Variants in THOC2 observed in about 807,000 individuals in gnomAD.
The protein encoded by THOC2 is THO complex subunit 2, also known as THO complex 2.
A neutral mutation model predicts 128.4 loss-of-function variants in THOC2; 10 were observed. The ratio of observed to expected loss-of-function variants is 0.08; its 90% CI spans 0.05 to 0.13. The LOEUF is 0.13. THOC2 is among the 10% of genes least tolerant of loss of function. The probability of loss-of-function intolerance (pLI) is 1.00; values close to 1 mark genes in which losing one functional copy is unlikely to be tolerated. For synonymous variants in THOC2, 393 were observed against 396.9 expected, an observed-to-expected ratio of 0.99 and a Z score of 0.12; for missense variants, 535 against 1,155.7, an observed-to-expected ratio of 0.46 and a Z score of 7.79.
At chrX:123,653,998 A>G (rs1041352042) in intron 12 of THOC2, among the ~76,000 whole-genome samples, 1 of 111,620 alleles carries the variant, frequency 9.0e-6, no homozygotes, top group African/African-American at 3.3e-5. Context: ...AAGACTTAGA[A>G]CCCACCCAAA....
chrX:123,623,602 A>G (rs1240217087), intron 28 of THOC2, 185 bp downstream of exon 28: 7 of 970,646 alleles, frequency 7.2e-6, no homozygotes, highest in Non-Finnish European at 5.7e-6. Flanking sequence ...ACTATCATCC[A>G]GTATAGACCG....
intron 1 of THOC2, among the ~76,000 whole-genome samples, 197 bp downstream of exon 1, chrX:123,732,755 G>A (rs1408086104): frequency 2.7e-5 from 3 of 111,501 alleles, no homozygotes; most frequent in African/African-American, 9.8e-5. Context: ...TTTCTGGGAG[G>A]CCAGGGAAGG....
intron 12 of THOC2, among the ~76,000 whole-genome samples, chrX:123,653,089 A>G (rs2048425171): frequency 8.9e-6 from 1 of 111,845 alleles, no homozygotes; most frequent in African/African-American, 3.3e-5. Flanking sequence ...AGACCAATGG[A>G]ACAGAACAGA....
At chrX:123,605,619 A>T (rs949088281) in intron 38 of THOC2, among the ~76,000 whole-genome samples, 2 of 111,563 alleles carry the variant, frequency 1.8e-5, no homozygotes, top group African/African-American at 6.5e-5. Flanking sequence ...TGGCAAAAAA[A>T]GTCAATGTTG....
At chrX:123,628,038 G>A (rs2047328019) in intron 22 of THOC2, 70 bp from the exon 23 acceptor site, 2 of 875,540 alleles carry the variant, frequency 2.3e-6, no homozygotes, top group East Asian at 6.3e-5. Context: ...GACTTTCATG[G>A]CATAAAAATC....
At chrX:123,725,635 A>C (rs2051934633) in intron 1 of THOC2, among the ~76,000 whole-genome samples, 1 of 106,881 alleles carries the variant, frequency 9.4e-6, no homozygotes, top group Non-Finnish European at 1.9e-5. Flanking sequence ...AAAAAAAAAA[A>C]AAACCACGAT....
intron 17 of THOC2, 23 bp downstream of exon 17, chrX:123,638,911 T>C: frequency 1.1e-5 from 10 of 913,230 alleles, no homozygotes; most frequent in Non-Finnish European, 1.5e-5. Flanking sequence ...GAAATCTACA[T>C]ATTACTTCAC....
At chrX:123,692,014 G>A (rs1434948167) in intron 7 of THOC2, among the ~76,000 whole-genome samples, 2 of 111,876 alleles carry the variant, frequency 1.8e-5, no homozygotes, top group Non-Finnish European at 3.8e-5. Context: ...GGTCCACAAA[G>A]CCGAAAAATA....
chrX:123,711,407 G>C (rs2051187921), intron 2 of THOC2, among the ~76,000 whole-genome samples: 1 of 110,059 alleles, frequency 9.1e-6, no homozygotes, highest in Non-Finnish European at 1.9e-5. Context: ...TTGGGAGCCT[G>C]AGGCGAAAGG....
chrX:123,700,532 G>C (rs1350039412), intron 4 of THOC2, among the ~76,000 whole-genome samples: 1 of 69,660 alleles, frequency 1.4e-5, no homozygotes, highest in Non-Finnish European at 2.7e-5. Context: ...CGGGGGGGAG[G>C]TGGTGAGGGG....
rs368394995 is a variant in THOC2, at chrX:123,631,814, T to C, written c.2355A>G (p.Ala785=). 1.6e-4 allele frequency: 192 copies of C among 1,204,106 alleles called. No individual in the cohort carries two copies. Among genetic ancestry groups the C allele is most frequent in the Middle Eastern group, 4.6e-4 (2 of 4,341 alleles). ...TATAATCTTCTGTGCTCAGATTAGA[T>C]GCTAAAAACCCACCAAACTGCACCA... ...DTLVQFGGFL[A]SNLSTEDYIK... is the part of the protein sequence containing the mutation. The change falls in exon 22 of 39, where the codon GCA becomes GCG. Residue 785 remains alanine, a synonymous_variant. Coordinates refer to ENST00000245838, the MANE Select transcript of THOC2 (RefSeq NM_001081550.2).
chrX:123,718,992 G>C (rs2051559265), intron 1 of THOC2, among the ~76,000 whole-genome samples: 1 of 109,756 alleles, frequency 9.1e-6, no homozygotes, highest in South Asian at 3.9e-4. Context: ...TGGCTAACAT[G>C]GTGAAACCCT....
chrX:123,720,306 G>A (rs1261176920), intron 1 of THOC2, among the ~76,000 whole-genome samples: 1 of 109,907 alleles, frequency 9.1e-6, no homozygotes, highest in African/African-American at 3.3e-5. Context: ...AAATTAGCGG[G>A]TCATGGTGGC....
intron 12 of THOC2, among the ~76,000 whole-genome samples, chrX:123,659,752 G>A (rs2048755923): frequency 8.9e-6 from 1 of 112,071 alleles, no homozygotes; most frequent in Admixed American, 9.5e-5. Flanking sequence ...TCTGTTAAGT[G>A]ATATCTGGTA....
rs757002184 is a variant in THOC2 at position 123,725,996 on chromosome X, G to A, written c.71+6956C>T. Among the ~76,000 whole-genome samples the A allele has an allele frequency of 1.0e-3, 111 of 111,450 alleles. 2 individuals are homozygous for A. The highest frequency in any genetic ancestry group is 3.4e-3 in the African/African-American group (105 of 30,706). On this transcript the variant is annotated intron_variant, in intron 1 of 38. Transcript: ENST00000245838. ...GGCCGAGGAGGGCAGATTACTTGAG[G>A]TCAAGAGTTTGAGACTAGCCTAGCC... is the stretch of plus-strand genomic sequence containing the variant.
In THOC2 at chrX:123,665,944, A is replaced by C. The variant is rs761459810; in HGVS notation, c.1191-107T>G. On this transcript the variant is annotated intron_variant, in intron 11 of 38. Transcript: ENST00000245838. ...TCTACCATTTTAACAAAGTTATCTTAATCAGTGAAATTTTTTCTTGCTCAT... is the reference window on the plus strand; with the variant it reads ...TCTACCATTTTAACAAAGTTATCTTCATCAGTGAAATTTTTTCTTGCTCAT... The C allele has an allele frequency of 1.2e-4, 57 of 465,267 alleles. 3 individuals carry two copies. The South Asian group carries it at 6.5e-3, about 53-fold the overall frequency. The allele number at this position is 465,267 out of a possible 1,213,427, so 38.3% of individuals were successfully genotyped here.
chrX:123,645,827 T>C (rs113470269), intron 12 of THOC2, among the ~76,000 whole-genome samples: 1 of 111,328 alleles, frequency 9.0e-6, no homozygotes, highest in Non-Finnish European at 1.9e-5. Context: ...CCAGGCATGG[T>C]GGCGCACACC....
At chrX:123,638,750 A>ACACACTCT (rs1439028703) in intron 17 of THOC2, among the ~76,000 whole-genome samples, 184 bp downstream of exon 17, 1 of 99,170 alleles carries the variant, frequency 1.0e-5, no homozygotes, top group African/African-American at 3.8e-5. Context: ...ACACACACAC[A>ACACACTCT]CTCTCTCTCT....
intron 12 of THOC2, among the ~76,000 whole-genome samples, chrX:123,663,092 A>G (rs956328871): frequency 7.1e-5 from 8 of 111,979 alleles, no homozygotes; most frequent in African/African-American, 2.3e-4. Flanking sequence ...TGACCCATCA[A>G]TCCCACCCCT....
Sources: allele counts gnomAD v4.1 joint callset (sites outside exome capture counted in the v4.1 genomes callset), GRCh38; gene constraint gnomAD v4.1.1; transcripts MANE v1.5; gene names NCBI Gene and HGNC (gene_info 2026-07-23, HGNC 2026-07-21).